NRCAM: variants seen among roughly 807,000 people sequenced by gnomAD.
The protein encoded by NRCAM is NgCAM-related cell adhesion molecule.
A neutral mutation model predicts 156.5 loss-of-function variants in NRCAM; 83 were observed. The observed-to-expected ratio is 0.53, with a 90% CI of 0.44 to 0.64. The LOEUF is 0.64. NRCAM is among the 30% of genes least tolerant of loss of function. The pLI is 0.00. For missense variants in NRCAM, 1,417 were observed against 1,597.3 expected (o/e 0.89, Z 1.92); for synonymous variants, 538 against 563.9 (o/e 0.95, Z 0.65).
intron 10 of NRCAM, 102 bp from the exon 11 acceptor site, chr7:108,223,938 G>C (rs530702486): frequency 1.5e-6 from 1 of 652,758 alleles, no homozygotes; most frequent in Non-Finnish European, 2.7e-6. Context: ...CCCTTTTTAA[G>C]CTATTTAACA....
rs542416426 is a variant in NRCAM at position 108,177,419 on chromosome 7, C to G, written c.2974+571G>C. 4.6e-5 allele frequency among the ~76,000 whole-genome samples: 7 copies of G among 152,104 alleles called. No individual in the cohort carries two copies. The South Asian group carries it at 6.2e-4, about 14-fold the overall frequency. ...TGGGCAGATCACGAGGTCAGGAGAT[C>G]AAGACCATCCTGGCTAACATGGTGA... On this transcript the variant is annotated intron_variant, in intron 26 of 32. Coordinates refer to ENST00000379028, the MANE Select transcript of NRCAM (RefSeq NM_001037132.4).
intron 2 of NRCAM, among the ~76,000 whole-genome samples, chr7:108,364,233 C>T (rs978640580): frequency 5.9e-5 from 9 of 152,110 alleles, no homozygotes; most frequent in Non-Finnish European, 8.8e-5. Context: ...GATACACAAA[C>T]GGAAACAAGA....
At chr7:108,411,941 A>C (rs114504197) in intron 1 of NRCAM, among the ~76,000 whole-genome samples, 1 of 152,204 alleles carries the variant, frequency 6.6e-6, no homozygotes, top group Non-Finnish European at 1.5e-5. Context: ...ATTTTCTTTA[A>C]GGAAACAAAA....
At chr7:108,242,621 C>T (rs183579110) in intron 3 of NRCAM, among the ~76,000 whole-genome samples, 2 of 152,270 alleles carry the variant, frequency 1.3e-5, no homozygotes, top group Admixed American at 6.5e-5. Context: ...TGAAAACATG[C>T]GGATCTTACA....
At chr7:108,431,665 G>GTCCCAGC (rs1825383587) in intron 1 of NRCAM, among the ~76,000 whole-genome samples, 1 of 152,126 alleles carries the variant, frequency 6.6e-6, no homozygotes, top group South Asian at 2.1e-4. Flanking sequence ...TGCACCCGTA[G>GTCCCAGC]TCCCAGCTAC....
intron 3 of NRCAM, among the ~76,000 whole-genome samples, chr7:108,272,969 C>T (rs2097426098): frequency 6.6e-6 from 1 of 152,108 alleles, no homozygotes; most frequent in African/African-American, 2.4e-5. Context: ...CATTGTTCAA[C>T]TCCCACTTAT....
chr7:108,205,050 A>G (rs544797926), intron 13 of NRCAM, among the ~76,000 whole-genome samples: 2 of 152,214 alleles, frequency 1.3e-5, no homozygotes, highest in Non-Finnish European at 2.9e-5. Context: ...ATACTCTGGT[A>G]CTATGGTCTG....
intron 11 of NRCAM, among the ~76,000 whole-genome samples, chr7:108,210,515 G>A (rs2083591906): frequency 6.6e-6 from 1 of 152,086 alleles, no homozygotes; most frequent in African/African-American, 2.4e-5. Flanking sequence ...CAAAGTGCTG[G>A]GATTATAGGC....
chr7:108,412,682 A>G (rs1796895567), intron 1 of NRCAM, among the ~76,000 whole-genome samples: 1 of 152,110 alleles, frequency 6.6e-6, no homozygotes, highest in Non-Finnish European at 1.5e-5. Context: ...TTTGACCAAC[A>G]TCTCCCAAAC....
At chr7:108,299,746 G>T (rs2098550840) in intron 3 of NRCAM, among the ~76,000 whole-genome samples, 1 of 152,180 alleles carries the variant, frequency 6.6e-6, no homozygotes, top group Non-Finnish European at 1.5e-5. Context: ...TTGACCAGAA[G>T]TCTCAAGGCC....
At chr7:108,442,196 G>A (rs2154482749) in intron 1 of NRCAM, among the ~76,000 whole-genome samples, 1 of 152,292 alleles carries the variant, frequency 6.6e-6, no homozygotes. Flanking sequence ...ATGATCACAG[G>A]ATGTGATGTG....
rs752010098 is a variant in NRCAM at position 108,176,546 on chromosome 7, C to T, written c.3035G>A (p.Arg1012Gln). The T allele has an allele frequency of 1.3e-5, 21 of 1,613,406 alleles. No individual in the cohort carries two copies. Among genetic ancestry groups the T allele is most frequent in the Admixed American group, 5.0e-5 (3 of 59,978 alleles). Residue 1012 changes from arginine (R) to glutamine (Q), a missense_variant, in exon 27 of 33, where the codon CGG becomes CAG. This residue lies in a region of NRCAM where 1,238 missense variants were observed against 1,336.4 expected (regional missense o/e 0.93). Coordinates refer to ENST00000379028, the MANE Select transcript of NRCAM (RefSeq NM_001037132.4). The stretch of plus-strand genomic sequence containing the variant: ...GAAATTTAAATTTTTTAAAGTCCAC[C>T]GTGTCTTGTTGGCAGGAATTTTCAA... ...VDLKIPANKT[R>Q]WTLKNLNFST... is the part of the protein sequence containing the mutation.
intron 3 of NRCAM, among the ~76,000 whole-genome samples, chr7:108,280,496 A>G (rs982045039): frequency 3.9e-5 from 6 of 152,240 alleles, no homozygotes; most frequent in African/African-American, 1.4e-4. Context: ...CAGAATGGTA[A>G]GAGTTGGAAT....
intron 1 of NRCAM, among the ~76,000 whole-genome samples, chr7:108,439,250 C>G (rs564316537): frequency 6.6e-6 from 1 of 152,070 alleles, no homozygotes; most frequent in East Asian, 1.9e-4. Context: ...TTGAACTTAA[C>G]AAAATGAAAA....
At chr7:108,299,134 G>GAAAGAAAAGA (rs2098533358) in intron 3 of NRCAM, among the ~76,000 whole-genome samples, 1 of 85,610 alleles carries the variant, frequency 1.2e-5, no homozygotes, top group African/African-American at 4.5e-5. Context: ...AAGAAAGAAA[G>GAAAGAAAAGA]AAAGAAAAGA....
intron 2 of NRCAM, among the ~76,000 whole-genome samples, chr7:108,380,437 C>T (rs1299399085): frequency 1.3e-5 from 2 of 152,080 alleles, no homozygotes; most frequent in African/African-American, 4.8e-5. Context: ...ATTTGTTTTG[C>T]TGTTTCTATA....
rs375094705 is a variant in NRCAM, at chr7:108,184,409, C to T, written c.2233+8G>A. The T allele has an allele frequency of 2.8e-5, 45 of 1,613,982 alleles. No homozygotes were observed. Among genetic ancestry groups the T allele is most frequent in the African/African-American group, 9.3e-5 (7 of 74,932 alleles). On this transcript the variant is annotated splice_region_variant and intron_variant, in intron 21 of 32. Transcript: ENST00000379028. ...TCGTACCCTAGAAGTCCCGCTTTCC[C>T]GCTTTACCTGAGGCTTTCGTCAAAT...
At chr7:108,329,410 C>T (rs1200364731) in intron 2 of NRCAM, among the ~76,000 whole-genome samples, 1 of 152,146 alleles carries the variant, frequency 6.6e-6, no homozygotes, top group African/African-American at 2.4e-5. Flanking sequence ...AATCCTTAAC[C>T]ATTTATTTTG....
intron 32 of NRCAM, among the ~76,000 whole-genome samples, chr7:108,157,685 G>A (rs1375885830): frequency 2.6e-5 from 4 of 152,110 alleles, no homozygotes; most frequent in Non-Finnish European, 5.9e-5. Flanking sequence ...TTTTAGTCAA[G>A]TTTTAATGGA....
Sources: gnomAD v4.1 joint callset for allele counts (sites outside exome capture counted in the v4.1 genomes callset) on GRCh38, gnomAD v4.1.1 for gene constraint, gnomAD v4.1.1 regional missense constraint, MANE v1.5 for transcripts, NCBI Gene and HGNC (gene_info 2026-07-23, HGNC 2026-07-21) for gene names.